CTNNA2: variants seen among roughly 807,000 people sequenced by gnomAD.
CTNNA2 encodes catenin alpha-2.
Under a neutral mutation model 101.0 loss-of-function variants are expected in CTNNA2, and 42 were observed. The ratio of observed to expected loss-of-function variants is 0.42; its 90% CI spans 0.32 to 0.54. CTNNA2 has a LOEUF of 0.54. Ranked by LOEUF, CTNNA2 falls within the 20% of genes least tolerant of loss-of-function variation. The probability of loss-of-function intolerance (pLI) is 0.14; values close to 1 mark genes in which losing one functional copy is unlikely to be tolerated. For synonymous variants in CTNNA2, 450 were observed against 456.4 expected (o/e 0.99, Z 0.18); for missense variants, 871 against 1,223.1 (o/e 0.71, Z 4.29).
intron 7 of CTNNA2, among the ~76,000 whole-genome samples, chr2:79,997,494 G>T (rs1477185372): frequency 1.3e-5 from 2 of 152,068 alleles, no homozygotes; most frequent in African/African-American, 4.8e-5. Context: ...GTTTCTGTGG[G>T]GTCTGGCATA....
rs189695250 is a variant in CTNNA2, at chr2:80,256,763, C to T, written c.1057-136448C>T. ...TTATGAAGCAGAAACTTCAAAATTTCGCTGAAGCCAGACGTAGGACAGATT... is the reference window on the plus strand; with the variant it reads ...TTATGAAGCAGAAACTTCAAAATTTTGCTGAAGCCAGACGTAGGACAGATT... On this transcript the variant is annotated intron_variant, in intron 7 of 18. Coordinates refer to ENST00000402739, the MANE Select transcript of CTNNA2 (RefSeq NM_001282597.3). Among the ~76,000 whole-genome samples, 136 of 152,222 alleles carry T rather than the reference C, an allele frequency of 8.9e-4. 1 individual carries two copies. Among genetic ancestry groups the T allele is most frequent in the Non-Finnish European group, 1.6e-3 (109 of 68,008 alleles).
chr2:80,542,588 T>G (rs1294446535), intron 9 of CTNNA2, among the ~76,000 whole-genome samples: 1 of 152,100 alleles, frequency 6.6e-6, no homozygotes, highest in East Asian at 1.9e-4. Flanking sequence ...TTTCTTATGC[T>G]TTTTACAGAA....
chr2:79,195,587 A>G (rs1386956423), intron 1 of CTNNA2, among the ~76,000 whole-genome samples: 1 of 152,068 alleles, frequency 6.6e-6, no homozygotes, highest in East Asian at 1.9e-4. Context: ...CAGGAAACCA[A>G]CCCTGTTGTA....
At chr2:79,241,179 T>C (rs1996867) in intron 2 of CTNNA2, among the ~76,000 whole-genome samples, 88,598 of 152,088 alleles carry the variant, frequency 0.58, 26,096 homozygotes, top group East Asian at 0.65. Context: ...CATTATTGGG[T>C]ACTAACTAAA....
At chr2:79,855,216 T>TTCTC (rs963639585) in intron 3 of CTNNA2, among the ~76,000 whole-genome samples, 4 of 151,772 alleles carry the variant, frequency 2.6e-5, no homozygotes, top group African/African-American at 4.8e-5. Flanking sequence ...TTCTCTTTCT[T>TTCTC]TCTCTCTCTC....
At chr2:79,553,192 C>G (rs561731730) in intron 1 of CTNNA2, among the ~76,000 whole-genome samples, 1 of 152,278 alleles carries the variant, frequency 6.6e-6, no homozygotes, top group African/African-American at 2.4e-5. Flanking sequence ...TCATTACTTT[C>G]AAGTTCAAAT....
intron 1 of CTNNA2, among the ~76,000 whole-genome samples, chr2:79,629,498 A>G (rs980121695): frequency 1.3e-5 from 2 of 152,150 alleles, no homozygotes; most frequent in Non-Finnish European, 2.9e-5. Flanking sequence ...ACTGCTCTCT[A>G]GAGGTGGTGC....
chr2:80,389,202 A>T (rs1677280880), intron 7 of CTNNA2, among the ~76,000 whole-genome samples: 1 of 152,164 alleles, frequency 6.6e-6, no homozygotes, highest in Non-Finnish European at 1.5e-5. Flanking sequence ...AATTACCCTG[A>T]ATAGTCTAAA....
intron 7 of CTNNA2, among the ~76,000 whole-genome samples, chr2:80,003,803 T>C (rs529567622): frequency 3.3e-5 from 5 of 152,160 alleles, no homozygotes; most frequent in Admixed American, 6.5e-5. Flanking sequence ...ATAATATTGA[T>C]CCTGGCTTCT....
intron 1 of CTNNA2, among the ~76,000 whole-genome samples, chr2:79,543,664 A>G (rs1397414787): frequency 6.6e-6 from 1 of 152,120 alleles, no homozygotes; most frequent in Non-Finnish European, 1.5e-5. Flanking sequence ...TTAATAGATG[A>G]TTATATATGA....
rs569124651 is a variant in CTNNA2 at position 80,510,970 on chromosome 2, T to C, written c.1291-34012T>C. ...TATCTTTGTTAGCAAAGAGACACTG[T>C]ATTGCCCTTCCCAGGGTACTTGCAC... On this transcript the variant is annotated intron_variant, in intron 9 of 18. Transcript: ENST00000402739. Among the ~76,000 whole-genome samples, 6 of 151,814 alleles carry C rather than the reference T, an allele frequency of 4.0e-5. No homozygotes were observed. In the South Asian group the frequency reaches 1.3e-3, roughly 32 times the overall value.
At chr2:80,637,103 A>G (rs1265954665) in intron 18 of CTNNA2, among the ~76,000 whole-genome samples, 1 of 152,176 alleles carries the variant, frequency 6.6e-6, no homozygotes, top group Non-Finnish European at 1.5e-5. Context: ...AAACTTTGAA[A>G]GGAAAAGAAG....
chr2:80,631,082 C>T (rs1672240154), intron 18 of CTNNA2, among the ~76,000 whole-genome samples: 1 of 152,160 alleles, frequency 6.6e-6, no homozygotes. Flanking sequence ...GCAACCTTTA[C>T]ATCTTGTAAT....
intron 3 of CTNNA2, among the ~76,000 whole-genome samples, chr2:79,334,320 C>A (rs1429949008): frequency 1.3e-5 from 2 of 151,858 alleles, no homozygotes; most frequent in Non-Finnish European, 2.9e-5. Flanking sequence ...AGAATTTGAA[C>A]CTAAAGAGTA....
intron 2 of CTNNA2, among the ~76,000 whole-genome samples, chr2:79,677,514 C>T (rs192261239): frequency 1.6e-3 from 241 of 152,228 alleles, no homozygotes; most frequent in African/African-American, 5.5e-3. Context: ...CACACACACA[C>T]GTTAATATTT....
chr2:79,830,500 A>C (rs1217128123), intron 3 of CTNNA2, among the ~76,000 whole-genome samples: 1 of 152,214 alleles, frequency 6.6e-6, no homozygotes, highest in African/African-American at 2.4e-5. Flanking sequence ...CAAGAATCCT[A>C]GGACTCTCTA....
chr2:79,294,975 T>C (rs1159345285), intron 2 of CTNNA2, among the ~76,000 whole-genome samples: 1 of 149,760 alleles, frequency 6.7e-6, no homozygotes, highest in Non-Finnish European at 1.5e-5. Context: ...ACAAACACAA[T>C]TGCACTTGTG....
intron 12 of CTNNA2, among the ~76,000 whole-genome samples, chr2:80,566,168 C>T (rs1338795958): frequency 6.6e-6 from 1 of 152,194 alleles, no homozygotes; most frequent in Non-Finnish European, 1.5e-5. Context: ...GCAAATTTAA[C>T]TTGCCACGTG....
intron 18 of CTNNA2, among the ~76,000 whole-genome samples, chr2:80,639,288 C>T (rs1298747320): frequency 6.6e-6 from 1 of 152,172 alleles, no homozygotes; most frequent in African/African-American, 2.4e-5. Flanking sequence ...CAGCTCACTA[C>T]AACCTCCGCC....
Sources: allele counts gnomAD v4.1 joint callset (sites outside exome capture counted in the v4.1 genomes callset), GRCh38; gene constraint gnomAD v4.1.1; transcripts MANE v1.5; gene names NCBI Gene and HGNC (gene_info 2026-07-23, HGNC 2026-07-21).